Variants in LRRTM4 observed in about 807,000 individuals in gnomAD.
LRRTM4 encodes the protein leucine-rich repeat transmembrane neuronal protein 4.
LRRTM4 carries 25 observed loss-of-function variants against 47.6 expected under a neutral mutation model. The ratio of observed to expected loss-of-function variants is 0.53; its 90% confidence interval spans 0.38 to 0.73. The LOEUF (loss-of-function observed/expected upper bound fraction) is 0.73, where lower values mean the gene tolerates loss of function less well. Among genes scored for constraint, LRRTM4 ranks in the 30% least tolerant of loss-of-function variants. The pLI, the probability that LRRTM4 is intolerant of heterozygous loss-of-function variation, is 0.00. For synonymous variants in LRRTM4, 311 were observed against 269.5 expected (o/e 1.15, Z -1.51); for missense variants, 638 against 713.4 (o/e 0.89, Z 1.20).
chr2:77,441,074 T>C (rs763701291), intron 3 of LRRTM4, among the ~76,000 whole-genome samples: 15 of 152,242 alleles, frequency 9.9e-5, no homozygotes, highest in Non-Finnish European at 2.1e-4. Context: ...TTAATAAATA[T>C]GCATACTTTA....
intron 3 of LRRTM4, among the ~76,000 whole-genome samples, chr2:77,195,932 G>A (rs1298620966): frequency 6.6e-6 from 1 of 151,300 alleles, no homozygotes; most frequent in African/African-American, 2.4e-5. Flanking sequence ...GGATCTTGAA[G>A]ATTGAATCTA....
chr2:77,055,199 C>T (rs1419625722), intron 3 of LRRTM4, among the ~76,000 whole-genome samples: 2 of 152,194 alleles, frequency 1.3e-5, no homozygotes, highest in Non-Finnish European at 2.9e-5. Context: ...TTTCTCCATC[C>T]ACCTCCCTGG....
At chr2:77,453,813 A>T (rs114930567) in intron 3 of LRRTM4, among the ~76,000 whole-genome samples, 3,675 of 152,154 alleles carry the variant, frequency 0.024, 72 homozygotes, top group Non-Finnish European at 0.035. Context: ...ATTTATTTTG[A>T]TAGCCTTTAA....
chr2:77,104,086 C>T (rs1339690591), intron 3 of LRRTM4, among the ~76,000 whole-genome samples: 1 of 152,180 alleles, frequency 6.6e-6, no homozygotes, highest in Non-Finnish European at 1.5e-5. Context: ...CTCCTATAGA[C>T]TTTCTCATCT....
At chr2:77,302,243 C>G (rs290047) in intron 3 of LRRTM4, among the ~76,000 whole-genome samples, 2 of 152,034 alleles carry the variant, frequency 1.3e-5, no homozygotes, top group African/African-American at 4.8e-5. Flanking sequence ...AATAATTGAG[C>G]CACAACACCA....
At chr2:76,926,471 C>T (rs17013361) in intron 3 of LRRTM4, among the ~76,000 whole-genome samples, 4,105 of 152,048 alleles carry the variant, frequency 0.027, 178 homozygotes, top group African/African-American at 0.086. Flanking sequence ...ATTTTGGGCC[C>T]GAGGTTAAAT....
At chr2:77,386,740 G>A (rs1039718536) in intron 3 of LRRTM4, among the ~76,000 whole-genome samples, 8 of 152,018 alleles carry the variant, frequency 5.3e-5, no homozygotes, top group Non-Finnish European at 8.8e-5. Flanking sequence ...TGAACAGTGA[G>A]AACACATGGA....
chr2:77,430,325 A>C (rs1020098521), intron 3 of LRRTM4, among the ~76,000 whole-genome samples: 2 of 152,202 alleles, frequency 1.3e-5, no homozygotes, highest in Non-Finnish European at 2.9e-5. Flanking sequence ...CTTAAAATCT[A>C]GGTAATCTCT....
Position 77,285,173 on chromosome 2 carries a change from A to G in LRRTM4, c.1551+233145T>C, listed in dbSNP as rs150313970. Among the ~76,000 whole-genome samples, 216 of 151,714 alleles carry G rather than the reference A, an allele frequency of 1.4e-3. 3 individuals carry two copies. Among genetic ancestry groups the G allele is most frequent in the African/African-American group, 4.9e-3 (205 of 41,454 alleles). On this transcript the variant is annotated intron_variant, in intron 3 of 3. Coordinates refer to ENST00000409884, the MANE Select transcript of LRRTM4 (RefSeq NM_001134745.3). The stretch of plus-strand genomic sequence containing the variant: ...TTTCCTGCTCTTTCATTTTCTTGCA[A>G]TAGAAAGCAACCCTATACCTATTTG...
At chr2:77,295,939 G>C (rs1373731349) in intron 3 of LRRTM4, among the ~76,000 whole-genome samples, 3 of 152,116 alleles carry the variant, frequency 2.0e-5, no homozygotes, top group African/African-American at 7.2e-5. Flanking sequence ...GCCCAACTCA[G>C]GCCATGACAA....
intron 3 of LRRTM4, among the ~76,000 whole-genome samples, chr2:76,974,595 G>A (rs1228637142): frequency 6.6e-6 from 1 of 151,246 alleles, no homozygotes; most frequent in East Asian, 2.0e-4. Context: ...AACTATCCAA[G>A]TATATATCCA....
intron 3 of LRRTM4, among the ~76,000 whole-genome samples, chr2:77,351,614 TTATA>T (rs71656252): frequency 0.091 from 12,328 of 135,362 alleles, 839 homozygotes; most frequent in African/African-American, 0.18. Flanking sequence ...CATGACAAAT[TTATA>T]TATATATATA....
intron 3 of LRRTM4, among the ~76,000 whole-genome samples, chr2:77,394,655 A>T (rs150807322): frequency 2.7e-3 from 414 of 152,108 alleles, no homozygotes; most frequent in Non-Finnish European, 4.9e-3. Context: ...GTGAATATTC[A>T]TGAAGGGCGT....
chr2:77,382,091 T>C (rs1673076814), intron 3 of LRRTM4, among the ~76,000 whole-genome samples: 1 of 152,014 alleles, frequency 6.6e-6, no homozygotes, highest in Non-Finnish European at 1.5e-5. Flanking sequence ...TAAAATTTTG[T>C]TCTTGTCTTC....
At chr2:76,853,676 T>G (rs961773992) in intron 3 of LRRTM4, among the ~76,000 whole-genome samples, 1 of 152,104 alleles carries the variant, frequency 6.6e-6, no homozygotes, top group Non-Finnish European at 1.5e-5. Context: ...ATCTTGAAAG[T>G]TGTATTTGAA....
intron 3 of LRRTM4, among the ~76,000 whole-genome samples, chr2:76,914,264 T>C (rs1418717958): frequency 6.6e-6 from 1 of 152,034 alleles, no homozygotes; most frequent in Non-Finnish European, 1.5e-5. Context: ...AATAATTTAA[T>C]ATATTTTATA....
In LRRTM4 at chr2:76,912,376, G is replaced by A. The variant is rs187870120; in HGVS notation, c.1552-163460C>T. 5.6e-3 allele frequency among the ~76,000 whole-genome samples: 847 copies of A among 152,194 alleles called. 9 individuals carry two copies. The highest frequency in any genetic ancestry group is 0.02 in the African/African-American group (813 of 41,510). ...CCATTTTAGGATATGTCTCACTTCA[G>A]TACTATTTTCAGTTACATTTCTTAC... On this transcript the variant is annotated intron_variant, in intron 3 of 3. Transcript: ENST00000409884.
At position 77,011,073 on chromosome 2, in the gene LRRTM4, G is replaced by A. The variant is rs140940387; in HGVS notation, c.1552-262157C>T. ...GTACTATGAGTAGCCCACAAGAGCC[G>A]TATCTAGAAAGAATATAATGCAAGT... On this transcript the variant is annotated intron_variant, in intron 3 of 3. Transcript: ENST00000409884. Among the ~76,000 whole-genome samples the A allele has an allele frequency of 8.4e-3, 1,281 of 152,100 alleles. 18 individuals are homozygous for A. Among genetic ancestry groups the A allele is most frequent in the African/African-American group, 0.028 (1,178 of 41,524 alleles).
At chr2:77,375,980 G>A (rs866775925) in intron 3 of LRRTM4, among the ~76,000 whole-genome samples, 1 of 151,520 alleles carries the variant, frequency 6.6e-6, no homozygotes, top group Non-Finnish European at 1.5e-5. Context: ...ATTTTAAATC[G>A]TTCATACAAA....
Sources: gnomAD v4.1 joint callset for allele counts (sites outside exome capture counted in the v4.1 genomes callset) on GRCh38, gnomAD v4.1.1 for gene constraint, MANE v1.5 for transcripts, NCBI Gene and HGNC (gene_info 2026-07-23, HGNC 2026-07-21) for gene names.